Variants in CTSB observed in about 807,000 individuals in gnomAD.
CTSB encodes cathepsin B, also known as APP secretase.
CTSB carries 57 observed loss-of-function variants against 44.3 expected under a neutral mutation model. The ratio of observed to expected loss-of-function variants is 1.29; its 90% CI spans 1.04 to 1.60. The LOEUF (loss-of-function observed/expected upper bound fraction) is 1.60, where lower values mean the gene tolerates loss of function less well. Ranked by LOEUF, CTSB falls within the 40% of genes most tolerant of loss-of-function variation. The pLI is 0.00. For missense variants in CTSB, 768 were observed against 443.0 expected, an observed-to-expected ratio of 1.73 and a Z score of -6.59; for synonymous variants, 320 against 168.0, an observed-to-expected ratio of 1.91 and a Z score of -7.00.
chr8:11,847,017 C>T (rs745396923), intron 8 of CTSB, 35 bp downstream of exon 8: 3 of 1,148,954 alleles, frequency 2.6e-6, no homozygotes, highest in Non-Finnish European at 4.0e-6. Context: ...CCTCCCGACC[C>T]CCACCCTCTA....
At chr8:11,860,710 G>A in intron 1 of CTSB, among the ~76,000 whole-genome samples, 1 of 152,220 alleles carries the variant, frequency 6.6e-6, no homozygotes, top group East Asian at 1.9e-4. Flanking sequence ...TGCCTTATAG[G>A]CCAGCAGAGC....
intron 1 of CTSB, among the ~76,000 whole-genome samples, chr8:11,864,695 A>G (rs1816874897): frequency 6.6e-6 from 1 of 152,050 alleles, no homozygotes; most frequent in Non-Finnish European, 1.5e-5. Context: ...AGTGACTCAC[A>G]CCTGTAATCC....
At chr8:11,852,857 G>A (rs990894354) in intron 2 of CTSB, among the ~76,000 whole-genome samples, 162 bp from the exon 3 acceptor site, 5 of 152,194 alleles carry the variant, frequency 3.3e-5, no homozygotes, top group African/African-American at 1.2e-4. Flanking sequence ...TGACACACGG[G>A]CAGAGTGGGT....
intron 1 of CTSB, chr8:11,867,330 C>G (rs1817303133): frequency 1.3e-5 from 2 of 152,456 alleles, no homozygotes; most frequent in Admixed American, 6.5e-5. Flanking sequence ...CGCCCCCGGC[C>G]TTCTCCCCAC....
chr8:11,848,606 T>G, intron 5 of CTSB: 1 of 327,634 alleles, frequency 3.1e-6, no homozygotes, highest in South Asian at 2.7e-5. Context: ...CAGCCGCCAG[T>G]GAACACCGCT....
At chr8:11,851,087 C>G (rs763965554) in intron 3 of CTSB, 107 bp from the exon 4 acceptor site, 2 of 625,386 alleles carry the variant, frequency 3.2e-6, no homozygotes, top group Non-Finnish European at 5.7e-6. Flanking sequence ...AGGAAATGAG[C>G]ACAAGACATG....
At chr8:11,848,599 C>CCGCCAGTGTT in intron 5 of CTSB, 3 of 328,570 alleles carry the variant, frequency 9.1e-6, no homozygotes, top group South Asian at 8.0e-5. Flanking sequence ...GGATCTGCAG[C>CCGCCAGTGTT]CGCCAGTGAA....
intron 1 of CTSB, among the ~76,000 whole-genome samples, chr8:11,859,859 G>C (rs190044467): frequency 6.6e-6 from 1 of 150,986 alleles, no homozygotes; most frequent in Non-Finnish European, 1.5e-5. Flanking sequence ...CGGATCACGA[G>C]GTCAGGAGTT....
Position 11,853,393 on chromosome 8 carries a change from G to A in CTSB, c.62C>T (p.Pro21Leu), listed in dbSNP as rs369393342. 2 of 1,612,518 alleles carry A rather than the reference G, an allele frequency of 1.2e-6. No homozygotes were observed. Among genetic ancestry groups the A allele is most frequent in the Non-Finnish European group, 1.7e-6 (2 of 1,179,704 alleles). The change falls in exon 2 of 10, where the codon CCC (proline) becomes CTC (leucine). Residue 21 changes from proline to leucine, a missense_variant. By Grantham distance (98) the Pro-to-Leu change is moderately conservative (BLOSUM62 -3). Coordinates refer to ENST00000353047, the MANE Select transcript of CTSB (RefSeq NM_001908.5). ...CTCATCCGACAGGGGATGGAAAGAG[G>A]GCCTGCTCCGGGCATTGGCCAACAC... ...LLVLANARSR[P>L]SFHPLSDELV...
In CTSB at chr8:11,845,263, G is replaced by C. The variant is rs114169145; in HGVS notation, c.923-41C>G. 268 of 1,461,616 alleles carry C rather than the reference G, an allele frequency of 1.8e-4. 1 individual carries two copies. In the African/African-American group the frequency reaches 3.5e-3, roughly 19 times the overall value. 90.5% of individuals were successfully genotyped at this position (1,461,616 alleles called of 1,614,324 possible). A position where few individuals can be genotyped will look rare whatever the true frequency, so the allele number is the denominator to read the frequency against. ...AAGGTGCTTTTAAAGTGTGACAAGG[G>C]TCAACCAATATAGTCAGACTCATCC... On this transcript the variant is annotated intron_variant, in intron 9 of 9. Transcript: ENST00000353047.
chr8:11,860,717 G>C (rs1816286164), intron 1 of CTSB, among the ~76,000 whole-genome samples: 1 of 152,362 alleles, frequency 6.6e-6, no homozygotes, highest in African/African-American at 2.4e-5. Context: ...TAGGCCAGCA[G>C]AGCGGCTAAG....
At chr8:11,860,009 T>C (rs951838965) in intron 1 of CTSB, among the ~76,000 whole-genome samples, 4 of 150,910 alleles carry the variant, frequency 2.7e-5, no homozygotes, top group Non-Finnish European at 5.9e-5. Flanking sequence ...GAGGCAGAGG[T>C]TGCAGTGAGC....
intron 1 of CTSB, among the ~76,000 whole-genome samples, chr8:11,857,558 G>C (rs905515028): frequency 1.3e-5 from 2 of 152,134 alleles, no homozygotes; most frequent in Non-Finnish European, 2.9e-5. Flanking sequence ...TTAAAACCAA[G>C]ATTTCTTTGG....
chr8:11,857,248 C>G (rs1815661278), intron 1 of CTSB, among the ~76,000 whole-genome samples: 1 of 152,178 alleles, frequency 6.6e-6, no homozygotes. Context: ...GAACTCCTGG[C>G]TTCAAGGGAT....
intron 1 of CTSB, chr8:11,853,956 G>A (rs1441551020): frequency 1.3e-5 from 2 of 152,914 alleles, no homozygotes; most frequent in African/African-American, 4.8e-5. Context: ...TGGGCTGGTG[G>A]AGGTTGAGGC....
intron 1 of CTSB, among the ~76,000 whole-genome samples, chr8:11,856,765 T>C (rs1460446457): frequency 6.6e-6 from 1 of 152,006 alleles, no homozygotes; most frequent in African/African-American, 2.4e-5. Flanking sequence ...GGAACACTCC[T>C]GCCACTACAT....
rs868303266 is a variant in CTSB, at chr8:11,845,051, C to T, written c.*74G>A. ...GACCCTGTCTGAAACTTGTATCTTA[C>T]GTGAACTTAAAGAATAAAATGCATT... On this transcript the variant is annotated 3_prime_UTR_variant, in exon 10 of 10. Coordinates refer to ENST00000353047, the MANE Select transcript of CTSB (RefSeq NM_001908.5). 5.0e-5 allele frequency: 51 copies of T among 1,016,912 alleles called. No individual in the cohort carries two copies. The highest frequency in any genetic ancestry group is 2.5e-4 in the Middle Eastern group (1 of 4,080). The allele number at this position is 1,016,912 out of a possible 1,614,324, so 63.0% of individuals were successfully genotyped here.
chr8:11,850,419 CAAAAAAAAAAAA>C (rs61067792), intron 4 of CTSB, among the ~76,000 whole-genome samples: 5 of 53,788 alleles, frequency 9.3e-5, no homozygotes, highest in East Asian at 7.3e-4. Context: ...ACTCCATCTC[CAAAAAAAAAAAA>C]AAAAAAAAAA....
chr8:11,845,791 T>A lies in CTSB; in HGVS notation c.794-2A>T, dbSNP rs760107712. On this transcript the variant is annotated splice_acceptor_variant, in intron 8 of 9. Coordinates refer to ENST00000353047, the MANE Select transcript of CTSB (RefSeq NM_001908.5). LOFTEE classifies it high-confidence loss of function. ...CTCCGGTGACGTGTTGGTACACTCC[T>A]GAAAAGGGAAGAACTGGCTGAGACC... 1 of 1,610,846 alleles carries A rather than the reference T, an allele frequency of 6.2e-7. No homozygotes were observed. Among genetic ancestry groups the A allele is most frequent in the East Asian group, 2.2e-5 (1 of 44,734 alleles).
Sources: gnomAD v4.1 joint callset for allele counts (sites outside exome capture counted in the v4.1 genomes callset) on GRCh38, gnomAD v4.1.1 for gene constraint, MANE v1.5 for transcripts, NCBI Gene and HGNC (gene_info 2026-07-23, HGNC 2026-07-21) for gene names.